FMN1: variants seen among roughly 807,000 people sequenced by gnomAD.
FMN1 encodes the protein formin 1.
Under a neutral mutation model 132.4 loss-of-function variants are expected in FMN1, and 110 were observed. That is an observed-to-expected ratio of 0.83 (90% CI 0.71 to 0.97). The LOEUF is 0.97. FMN1 is among the 50% of genes least tolerant of loss of function. The probability of loss-of-function intolerance (pLI) is 0.00; values close to 1 mark genes in which losing one functional copy is unlikely to be tolerated. For synonymous variants in FMN1, 722 were observed against 651.7 expected, an observed-to-expected ratio of 1.11 and a Z score of -1.64; for missense variants, 1,792 against 1,705.3, an observed-to-expected ratio of 1.05 and a Z score of -0.90.
chr15:33,114,386 T>G (rs2039831263), intron 4 of FMN1, among the ~76,000 whole-genome samples: 3 of 152,182 alleles, frequency 2.0e-5, no homozygotes, highest in Admixed American at 6.5e-5. Flanking sequence ...GACCTAAACA[T>G]AAATATATGC....
At chr15:32,879,329 T>C (rs75599930) in intron 16 of FMN1, among the ~76,000 whole-genome samples, 1 of 152,218 alleles carries the variant, frequency 6.6e-6, no homozygotes, top group Admixed American at 6.5e-5. Context: ...GTATCCAGTC[T>C]CGTACCAGAG....
rs573187956 is a variant in FMN1, at chr15:32,941,379, C to T, written c.3139-15118G>A. On this transcript the variant is annotated intron_variant, in intron 9 of 20. Coordinates refer to ENST00000616417, the MANE Select transcript of FMN1 (RefSeq NM_001277313.2). ...CCTACAAATTTCATCTAATTTATCC[C>T]TCTGCCTTTGGGTTGGCCCAGAAGT... Among the ~76,000 whole-genome samples the T allele has an allele frequency of 2.6e-5, 4 of 152,288 alleles. No homozygotes were observed. In the South Asian group the frequency reaches 8.3e-4, roughly 32 times the overall value.
chr15:32,812,964 C>T (rs989137616), intron 17 of FMN1, among the ~76,000 whole-genome samples: 1 of 145,054 alleles, frequency 6.9e-6, no homozygotes, highest in African/African-American at 2.5e-5. Flanking sequence ...GTTATGGATT[C>T]CACCAACTGC....
chr15:33,012,095 A>G, intron 6 of FMN1: 2 of 402,454 alleles, frequency 5.0e-6, no homozygotes, highest in South Asian at 5.5e-5. Flanking sequence ...CAAAGGAAGC[A>G]TTGTCTCTCT....
intron 7 of FMN1, among the ~76,000 whole-genome samples, chr15:32,987,685 C>T (rs769587700): frequency 4.0e-5 from 6 of 151,892 alleles, no homozygotes; most frequent in Non-Finnish European, 7.4e-5. Context: ...AAACAAATGC[C>T]TACTTTCTTC....
At chr15:33,032,949 T>C (rs150489396) in intron 6 of FMN1, among the ~76,000 whole-genome samples, 31 of 152,336 alleles carry the variant, frequency 2.0e-4, no homozygotes, top group African/African-American at 7.0e-4. Context: ...AAGTATTTGT[T>C]CAACGCTTAG....
chr15:33,162,855 G>A (rs976311572), intron 3 of FMN1, among the ~76,000 whole-genome samples: 29 of 152,140 alleles, frequency 1.9e-4, no homozygotes, highest in African/African-American at 5.6e-4. Flanking sequence ...GGTGGCTCAC[G>A]CCTGTAATCC....
chr15:33,149,918 A>G, intron 4 of FMN1: 5 of 984,934 alleles, frequency 5.1e-6, no homozygotes, highest in Non-Finnish European at 6.0e-6. Context: ...ACACATGTAA[A>G]TAAAATTTAT....
At chr15:32,858,884 T>C (rs532625332) in intron 16 of FMN1, among the ~76,000 whole-genome samples, 17 of 152,356 alleles carry the variant, frequency 1.1e-4, no homozygotes, top group African/African-American at 4.1e-4. Context: ...AATAGATGGA[T>C]CTGTGGCCAA....
chr15:33,083,188 T>A (rs1469444107), intron 5 of FMN1, among the ~76,000 whole-genome samples: 1 of 152,246 alleles, frequency 6.6e-6, no homozygotes, highest in Non-Finnish European at 1.5e-5. Flanking sequence ...CCCTCGTAAC[T>A]TCTTAAGTGA....
intron 17 of FMN1, among the ~76,000 whole-genome samples, chr15:32,812,744 G>A (rs1480522269): frequency 2.0e-5 from 3 of 152,186 alleles, no homozygotes; most frequent in South Asian, 2.1e-4. Flanking sequence ...AATCTAGTAC[G>A]ATGATATTCG....
At chr15:33,040,652 A>G (rs551622959) in intron 6 of FMN1, among the ~76,000 whole-genome samples, 1 of 152,354 alleles carries the variant, frequency 6.6e-6, no homozygotes, top group African/African-American at 2.4e-5. Flanking sequence ...TTTACTTGCA[A>G]TGTCTAAGAT....
At chr15:32,835,327 A>C (rs2058597614) in intron 17 of FMN1, among the ~76,000 whole-genome samples, 1 of 152,210 alleles carries the variant, frequency 6.6e-6, no homozygotes, top group Admixed American at 6.5e-5. Context: ...GCTCTAAAAA[A>C]ATAAACTTAG....
chr15:32,816,247 C>T (rs566580335), intron 17 of FMN1, among the ~76,000 whole-genome samples: 1 of 152,214 alleles, frequency 6.6e-6, no homozygotes, highest in Admixed American at 6.5e-5. Flanking sequence ...ACCCACATAC[C>T]ACAAAACGTG....
At chr15:32,822,754 C>G (rs1333936383) in intron 17 of FMN1, among the ~76,000 whole-genome samples, 1 of 152,140 alleles carries the variant, frequency 6.6e-6, no homozygotes, top group African/African-American at 2.4e-5. Context: ...TTCATCAACT[C>G]AAATTTTAAT....
chr15:33,052,160 T>C (rs1048731784), intron 6 of FMN1, among the ~76,000 whole-genome samples: 1 of 152,194 alleles, frequency 6.6e-6, no homozygotes. Flanking sequence ...TTCTCCAAGG[T>C]TCCTTCCAGT....
At chr15:33,115,504 A>G (rs1440797717) in intron 4 of FMN1, among the ~76,000 whole-genome samples, 1 of 116,174 alleles carries the variant, frequency 8.6e-6, no homozygotes, top group Non-Finnish European at 2.0e-5. Context: ...CCCCCCCCCC[A>G]CACACACACG....
chr15:32,844,049 T>TTAA (rs1295542637), intron 17 of FMN1, among the ~76,000 whole-genome samples: 4 of 152,182 alleles, frequency 2.6e-5, no homozygotes, highest in African/African-American at 7.2e-5. Flanking sequence ...ATTCAGAAGA[T>TTAA]TAATAAAAGG....
At chr15:33,146,445 T>G (rs898393750) in intron 4 of FMN1, among the ~76,000 whole-genome samples, 5 of 152,156 alleles carry the variant, frequency 3.3e-5, no homozygotes, top group Non-Finnish European at 5.9e-5. Flanking sequence ...ACCCCTCAAA[T>G]CCGTCTGTAT....
Sources: gnomAD v4.1 joint callset for allele counts (sites outside exome capture counted in the v4.1 genomes callset) on GRCh38, gnomAD v4.1.1 for gene constraint, MANE v1.5 for transcripts, NCBI Gene and HGNC (gene_info 2026-07-23, HGNC 2026-07-21) for gene names.